The following DTWD1 variants were observed in gnomAD, a reference collection of about 807,000 sequenced individuals.
DTWD1 encodes tRNA-uridine aminocarboxypropyltransferase 1.
A neutral mutation model predicts 30.2 loss-of-function variants in DTWD1; 27 were observed. The observed-to-expected ratio is 0.90, with a 90% CI of 0.66 to 1.23. The LOEUF (loss-of-function observed/expected upper bound fraction) is 1.23, where lower values mean the gene tolerates loss of function less well. DTWD1 is among the 50% of genes most tolerant of loss of function. The pLI is 0.00. For missense variants in DTWD1, 342 were observed against 348.8 expected (o/e 0.98, Z 0.15); for synonymous variants, 99 against 113.1 (o/e 0.88, Z 0.79).
chr15:49,640,945 A>G (rs576272164), intron 4 of DTWD1, among the ~76,000 whole-genome samples: 1 of 152,170 alleles, frequency 6.6e-6, no homozygotes, highest in African/African-American at 2.4e-5. Flanking sequence ...GCAAGATACT[A>G]TGTGGCTAAT....
At chr15:49,624,475 G>A (rs775272654) in intron 1 of DTWD1, among the ~76,000 whole-genome samples, 20 of 152,134 alleles carry the variant, frequency 1.3e-4, no homozygotes, top group Non-Finnish European at 2.5e-4. Flanking sequence ...TCTGAATGAT[G>A]TATGTTTTTA....
intron 1 of DTWD1, among the ~76,000 whole-genome samples, chr15:49,624,818 G>A (rs59565793): frequency 0.06 from 9,091 of 152,212 alleles, 705 homozygotes; most frequent in African/African-American, 0.18. Flanking sequence ...CCTGTCTGAT[G>A]CTAACGTGAA....
intron 4 of DTWD1, among the ~76,000 whole-genome samples, chr15:49,636,539 A>G (rs1345267923): frequency 6.6e-6 from 1 of 152,108 alleles, no homozygotes; most frequent in Non-Finnish European, 1.5e-5. Context: ...CTTTTAATCT[A>G]GAGTAGTCCT....
chr15:49,652,303 C>G lies in DTWD1; in HGVS notation c.*8725C>G, dbSNP rs1008226844. 5.9e-5 allele frequency: 9 copies of G among 152,146 alleles called. No homozygotes were observed. Among genetic ancestry groups the G allele is most frequent in the Non-Finnish European group, 2.9e-5 (2 of 68,036 alleles). 9.4% of individuals were successfully genotyped at this position (152,146 alleles called of 1,614,324 possible). On this transcript the variant is annotated 3_prime_UTR_variant, in exon 5 of 5. Coordinates refer to ENST00000403028, the MANE Select transcript of DTWD1 (RefSeq NM_001144955.2). ...CGGTTCCTTGTGTCTGTCTAGGGAG[C>G]AGCAGCCAATAAAAGGAGTCAAGAT...
rs1255581727 is a variant in DTWD1 at position 49,654,122 on chromosome 15, C to G, written c.*10544C>G. The G allele has an allele frequency of 6.6e-6, 1 of 152,022 alleles. No homozygotes were observed. Among genetic ancestry groups the G allele is most frequent in the Non-Finnish European group, 1.5e-5 (1 of 67,994 alleles). The allele number at this position is 152,022 out of a possible 1,614,324, so 9.4% of individuals were successfully genotyped here. Reference sequence around the variant, plus strand: ...CTATCCTAGAAAACCTTAACTGGGACAAGCTACTCTCAAGCATCTTCACTT... The same window carrying G: ...CTATCCTAGAAAACCTTAACTGGGAGAAGCTACTCTCAAGCATCTTCACTT... On this transcript the variant is annotated 3_prime_UTR_variant, in exon 5 of 5. Coordinates refer to ENST00000403028, the MANE Select transcript of DTWD1 (RefSeq NM_001144955.2).
At chr15:49,637,330 A>G (rs755150309) in intron 4 of DTWD1, among the ~76,000 whole-genome samples, 47 of 152,236 alleles carry the variant, frequency 3.1e-4, no homozygotes, top group Non-Finnish European at 6.5e-4. Flanking sequence ...ACTTCATGGC[A>G]TGGCCTCATT....
chr15:49,622,804 G>A (rs1290538926), intron 1 of DTWD1, among the ~76,000 whole-genome samples: 2 of 152,138 alleles, frequency 1.3e-5, no homozygotes, highest in African/African-American at 4.8e-5. Context: ...CCTCTTCTAC[G>A]TGGCCACCTC....
At chr15:49,621,372 A>G (rs1452367788) in intron 1 of DTWD1, 1 of 151,966 alleles carries the variant, frequency 6.6e-6, no homozygotes, top group Non-Finnish European at 1.5e-5. Flanking sequence ...TTTTCCTACC[A>G]ATGATTTTCG....
Position 49,632,226 on chromosome 15 carries a change from C to G in DTWD1, c.332C>G (p.Ala111Gly), listed in dbSNP as rs764388097. The G allele has an allele frequency of 5.0e-6, 8 of 1,600,964 alleles. No homozygotes were observed. In the South Asian group the frequency reaches 8.0e-5, roughly 16 times the overall value. The change falls in exon 3 of 5, where the codon GCA becomes GGA. Residue 111 changes from alanine to glycine, a missense_variant. Coordinates refer to ENST00000403028, the MANE Select transcript of DTWD1 (RefSeq NM_001144955.2). ...GATGGCAAAAGTACTGCTATACATGCAAAACTCTTAGCACCTGAATTTGTA... is the reference window on the plus strand; with the variant it reads ...GATGGCAAAAGTACTGCTATACATGGAAAACTCTTAGCACCTGAATTTGTA... ...ETDGKSTAIH[A>G]KLLAPEFVNI...
intron 4 of DTWD1, 40 bp from the exon 5 acceptor site, chr15:49,643,287 ATTTT>A (rs751605787): frequency 7.0e-7 from 1 of 1,420,930 alleles, no homozygotes. Context: ...AAATATTTAT[ATTTT>A]TTCTTTCTTT....
rs1410900597 is a variant in DTWD1 at position 49,650,286 on chromosome 15, A to G, written c.*6708A>G. Reference sequence around the variant, plus strand: ...GGAAGCCATCAGAGAATTTAAGCAAATGAGTGACAGGATCTGACTTATATT... The same window carrying G: ...GGAAGCCATCAGAGAATTTAAGCAAGTGAGTGACAGGATCTGACTTATATT... On this transcript the variant is annotated 3_prime_UTR_variant, in exon 5 of 5. Coordinates refer to ENST00000403028, the MANE Select transcript of DTWD1 (RefSeq NM_001144955.2). 6.6e-6 allele frequency: 1 copy of G among 152,134 alleles called. No individual in the cohort carries two copies. Among genetic ancestry groups the G allele is most frequent in the Non-Finnish European group, 1.5e-5 (1 of 68,024 alleles). 9.4% of individuals were successfully genotyped at this position (152,134 alleles called of 1,614,324 possible). A position where few individuals can be genotyped will look rare whatever the true frequency, so the allele number is the denominator to read the frequency against.
chr15:49,625,664 A>G (rs567613881), intron 2 of DTWD1: 2 of 482,440 alleles, frequency 4.1e-6, no homozygotes, highest in Non-Finnish European at 7.3e-6. Context: ...CAAAGGAAGG[A>G]AGGGATTTTT....
chr15:49,634,521 TTTTC>T lies in DTWD1; in HGVS notation c.409-11_409-8del. On this transcript the variant is annotated splice_polypyrimidine_tract_variant and intron_variant, in intron 3 of 4. Transcript: ENST00000403028. ...TCATAGTAGCACACTGCTAACCCAA[TTTTC>T]TTTGTTTTAGGTTGCACTCATTTTT... The T allele has an allele frequency of 6.3e-7, 1 of 1,588,956 alleles. No individual in the cohort carries two copies. The highest frequency in any genetic ancestry group is 8.5e-7 in the Non-Finnish European group (1 of 1,170,724).
At chr15:49,634,993 AGTT>A (rs1247345215) in intron 4 of DTWD1, among the ~76,000 whole-genome samples, 199 bp downstream of exon 4, 2 of 152,096 alleles carry the variant, frequency 1.3e-5, no homozygotes, top group African/African-American at 2.4e-5. Context: ...ATTGAAAGTA[AGTT>A]TCAGGCTTTG....
chr15:49,641,240 A>T (rs2079061645), intron 4 of DTWD1, among the ~76,000 whole-genome samples: 1 of 151,602 alleles, frequency 6.6e-6, no homozygotes. Context: ...TTTTATTTCT[A>T]TTTGTCCTTT....
intron 4 of DTWD1, among the ~76,000 whole-genome samples, chr15:49,638,556 C>T (rs115260860): frequency 0.017 from 2,531 of 152,188 alleles, 32 homozygotes; most frequent in Middle Eastern, 0.037. Flanking sequence ...CTGAATAAAC[C>T]GAGTTACTTC....
rs187505063 is a variant in DTWD1, at chr15:49,625,250, C to T, written c.83C>T (p.Thr28Ile). Residue 28 changes from threonine to isoleucine, a missense_variant, in exon 2 of 5, where the codon ACT (threonine) becomes ATT (isoleucine). Physicochemically the swap from Thr to Ile is moderately conservative, Grantham distance 89 (BLOSUM62 -1). Transcript: ENST00000403028. Reference protein sequence around the residue: ...KFVETKQSQTTSIASEDPLQN... With the variant: ...KFVETKQSQTISIASEDPLQN... The stretch of plus-strand genomic sequence containing the variant: ...GTGGAAACAAAACAGTCACAAACTA[C>T]TTCCATAGCTTCAGAAGATCCCCTT... The T allele has an allele frequency of 6.3e-4, 1,020 of 1,613,418 alleles. 2 individuals carry two copies. Among genetic ancestry groups the T allele is most frequent in the Non-Finnish European group, 4.2e-4 (495 of 1,179,610 alleles).
In DTWD1 at chr15:49,632,242, T is replaced by C. The variant is rs374556661; in HGVS notation, c.348T>C (p.Pro116=). The change falls in exon 3 of 5, where the codon CCT becomes CCC. Residue 116 remains proline (P), a synonymous_variant. Coordinates refer to ENST00000403028, the MANE Select transcript of DTWD1 (RefSeq NM_001144955.2). Reference sequence around the variant, plus strand: ...CTATACATGCAAAACTCTTAGCACCTGAATTTGTAAACATTTACACGTATC... The same window carrying C: ...CTATACATGCAAAACTCTTAGCACCCGAATTTGTAAACATTTACACGTATC... ...STAIHAKLLA[P]EFVNIYTYPC... 31 of 1,599,672 alleles carry C rather than the reference T, an allele frequency of 1.9e-5. No individual in the cohort carries two copies. Among genetic ancestry groups the C allele is most frequent in the Non-Finnish European group, 2.4e-5 (28 of 1,176,626 alleles).
At position 49,625,213 on chromosome 15, in the gene DTWD1, A is replaced by G; in HGVS notation, c.46A>G (p.Ser16Gly). Reference protein sequence around the residue: ...PIFLKRSEENSSKFVETKQSQ... With the variant: ...PIFLKRSEENGSKFVETKQSQ... ...ATTTCTCAAACGAAGTGAAGAAAAT[A>G]GTTCAAAATTTGTGGAAACAAAACA... is the stretch of plus-strand genomic sequence containing the variant. The change falls in exon 2 of 5, where the codon AGT (serine) becomes GGT (glycine). Residue 16 changes from serine to glycine, a missense_variant. By Grantham distance (56) the Ser-to-Gly change is moderately conservative. Transcript: ENST00000403028. The G allele has an allele frequency of 6.2e-7, 1 of 1,613,512 alleles. No homozygotes were observed. The highest frequency in any genetic ancestry group is 1.1e-5 in the South Asian group (1 of 91,060).
Sources: gnomAD v4.1 joint callset for allele counts (sites outside exome capture counted in the v4.1 genomes callset) on GRCh38, gnomAD v4.1.1 for gene constraint, MANE v1.5 for transcripts, NCBI Gene and HGNC (gene_info 2026-07-23, HGNC 2026-07-21) for gene names.